The following UAP1 variants were observed in gnomAD, a reference collection of about 807,000 sequenced individuals.
UAP1 encodes UDP-N-acetylglucosamine pyrophosphorylase 1.
A neutral mutation model predicts 58.5 loss-of-function variants in UAP1; 25 were observed. The observed-to-expected ratio is 0.43, with a 90% CI of 0.31 to 0.60. The LOEUF (loss-of-function observed/expected upper bound fraction) is 0.60. Among genes scored for constraint, UAP1 ranks in the 20% least tolerant of loss-of-function variants. The probability of loss-of-function intolerance (pLI) is 0.11; values close to 1 mark genes in which losing one functional copy is unlikely to be tolerated. For missense variants in UAP1, 575 were observed against 630.0 expected, an observed-to-expected ratio of 0.91 and a Z score of 0.93; for synonymous variants, 208 against 213.0, an observed-to-expected ratio of 0.98 and a Z score of 0.21.
chr1:162,593,012 C>T, intron 9 of UAP1: 1 of 538,160 alleles, frequency 1.9e-6, no homozygotes, highest in South Asian at 2.7e-5. Flanking sequence ...AGAATCTGAC[C>T]ACAGGTGTTA....
chr1:162,589,002 C>T (rs1432824434), intron 7 of UAP1, among the ~76,000 whole-genome samples, 169 bp downstream of exon 7: 1 of 145,756 alleles, frequency 6.9e-6, no homozygotes, highest in African/African-American at 2.5e-5. Context: ...GGAATAAAAC[C>T]AGGAGTGTGA....
At chr1:162,599,614 G>T (rs1655820031) in exon 11 of UAP1, 1 of 305,414 alleles carries the variant, frequency 3.3e-6, no homozygotes, top group African/African-American at 2.2e-5. Flanking sequence ...GAGACCATTG[G>T]CCATCCAGGA....
intron 1 of UAP1, among the ~76,000 whole-genome samples, chr1:162,564,954 G>A (rs1461618998): frequency 1.3e-5 from 2 of 151,886 alleles, no homozygotes; most frequent in Admixed American, 6.6e-5. Context: ...TTGTAGCCTC[G>A]ACCTTCCGAA....
intron 5 of UAP1, among the ~76,000 whole-genome samples, chr1:162,583,112 G>A (rs1654693786): frequency 6.9e-6 from 1 of 145,838 alleles, no homozygotes. Context: ...CAGTAGCTGG[G>A]ATTATAGGCA....
Position 162,581,475 on chromosome 1 carries a change from A to G in UAP1, c.834+16A>G. On this transcript the variant is annotated intron_variant, in intron 5 of 10. Coordinates refer to ENST00000271469, the Ensembl canonical transcript of UAP1. ...TGGAGCAAAGGTAATGCCTTTCTCA[A>G]CTATGGTGAGGCTTTTGATGGTCTT... The G allele has an allele frequency of 1.2e-6, 2 of 1,608,730 alleles. No homozygotes were observed. The highest frequency in any genetic ancestry group is 1.7e-6 in the Non-Finnish European group (2 of 1,176,860).
chr1:162,594,956 A>C (rs1307496219), intron 9 of UAP1, among the ~76,000 whole-genome samples: 1 of 152,220 alleles, frequency 6.6e-6, no homozygotes, highest in Non-Finnish European at 1.5e-5. Flanking sequence ...GTGAGAGATG[A>C]AAAGGAAGTA....
chr1:162,586,051 C>G (rs1378065171), intron 5 of UAP1, among the ~76,000 whole-genome samples: 3 of 152,156 alleles, frequency 2.0e-5, no homozygotes, highest in Admixed American at 1.3e-4. Context: ...GCTTACTTAT[C>G]CAGCAGTCCT....
At position 162,576,844 on chromosome 1, in the gene UAP1, C is replaced by A. The variant is rs752987749; in HGVS notation, c.348C>A (p.Leu116=). The change falls in exon 3 of 11, where the codon CTC becomes CTA. Residue 116 remains leucine, a synonymous_variant. Transcript: ENST00000271469. ...TAGCTGGTGGGCAGGGGACAAGACT[C>A]GGCGTTGCATATCCTAAGGGGATGT... 33 of 1,614,018 alleles carry A rather than the reference C, an allele frequency of 2.0e-5. 1 individual carries two copies. The South Asian group carries it at 3.5e-4, about 17-fold the overall frequency.
At chr1:162,592,749 A>G in exon 9 of UAP1, 1 of 1,550,354 alleles carries the variant, frequency 6.5e-7, no homozygotes, top group Non-Finnish European at 8.7e-7. Context: ...ACAAATGGGA[A>G]GTCAGAGACC....
At chr1:162,570,228 A>G (rs1653778261) in intron 2 of UAP1, among the ~76,000 whole-genome samples, 1 of 152,158 alleles carries the variant, frequency 6.6e-6, no homozygotes, top group Non-Finnish European at 1.5e-5. Context: ...AATCTCTCTG[A>G]TTCCACCATA....
At chr1:162,586,484 C>T (rs1654911054) in intron 5 of UAP1, among the ~76,000 whole-genome samples, 1 of 150,430 alleles carries the variant, frequency 6.6e-6, no homozygotes, top group South Asian at 2.1e-4. Flanking sequence ...GCCACCACGC[C>T]TGGCTAATTT....
intron 5 of UAP1, among the ~76,000 whole-genome samples, chr1:162,587,128 T>C (rs1359037077): frequency 1.3e-5 from 2 of 152,174 alleles, no homozygotes; most frequent in Admixed American, 6.5e-5. Flanking sequence ...TGGTTAAGGA[T>C]AAATTAAATA....
intron 4 of UAP1, 64 bp downstream of exon 4, chr1:162,579,667 A>AT: frequency 7.5e-7 from 1 of 1,327,446 alleles, no homozygotes; most frequent in Non-Finnish European, 1.0e-6. Context: ...TCAAATGTTG[A>AT]TTTTCTTTTT....
intron 3 of UAP1, among the ~76,000 whole-genome samples, chr1:162,577,376 T>C (rs10159238): frequency 0.033 from 5,049 of 150,880 alleles, 279 homozygotes; most frequent in African/African-American, 0.12. Flanking sequence ...CAGCCTCTAC[T>C]AGTATGCTGT....
At chr1:162,587,116 G>A (rs1285700914) in intron 5 of UAP1, among the ~76,000 whole-genome samples, 4 of 152,156 alleles carry the variant, frequency 2.6e-5, no homozygotes, top group African/African-American at 9.7e-5. Flanking sequence ...AAGTAATTGA[G>A]GTGGTTAAGG....
At chr1:162,580,114 G>GC (rs1431699218) in intron 4 of UAP1, among the ~76,000 whole-genome samples, 1 of 152,070 alleles carries the variant, frequency 6.6e-6, no homozygotes, top group Non-Finnish European at 1.5e-5. Context: ...TGATGTACCT[G>GC]CCTTGGCCTC....
At chr1:162,599,521 T>G (rs1655814582) in exon 11 of UAP1, 2 of 464,350 alleles carry the variant, frequency 4.3e-6, no homozygotes, top group East Asian at 6.8e-5. Flanking sequence ...CTTCCCAAGA[T>G]CCAGATGACT....
intron 10 of UAP1, among the ~76,000 whole-genome samples, chr1:162,598,744 T>G (rs971769288): frequency 6.6e-6 from 1 of 152,358 alleles, no homozygotes; most frequent in Middle Eastern, 3.4e-3. Context: ...CCGCTTGCAG[T>G]GGCTCATGCC....
chr1:162,578,229 C>T (rs1654332058), intron 3 of UAP1, among the ~76,000 whole-genome samples: 1 of 152,148 alleles, frequency 6.6e-6, no homozygotes, highest in Admixed American at 6.6e-5. Context: ...AAAAGCTCTA[C>T]TAGTTTCTGT....
Sources: allele counts gnomAD v4.1 joint callset (sites outside exome capture counted in the v4.1 genomes callset), GRCh38; gene constraint gnomAD v4.1.1; transcripts MANE v1.5; gene names NCBI Gene and HGNC (gene_info 2026-07-23, HGNC 2026-07-21).